MAPKAP1: variants seen among roughly 807,000 people sequenced by gnomAD.
The protein encoded by MAPKAP1 is MAPK associated protein 1.
Under a neutral mutation model 65.7 loss-of-function variants are expected in MAPKAP1, and 20 were observed. The ratio of observed to expected loss-of-function variants is 0.30; its 90% confidence interval spans 0.21 to 0.44. The LOEUF (loss-of-function observed/expected upper bound fraction) is 0.44. Ranked by LOEUF, MAPKAP1 falls within the 20% of genes least tolerant of loss-of-function variation. MAPKAP1 has a pLI of 1.00. For synonymous variants in MAPKAP1, 222 were observed against 244.3 expected (o/e 0.91, Z 0.85); for missense variants, 423 against 648.0 (o/e 0.65, Z 3.77).
At chr9:125,466,648 C>A (rs975679728) in intron 10 of MAPKAP1, among the ~76,000 whole-genome samples, 41 of 152,262 alleles carry the variant, frequency 2.7e-4, no homozygotes, top group African/African-American at 9.1e-4. Context: ...AATCCAGCAA[C>A]CTTGAGGCAA....
At chr9:125,548,683 GT>G (rs765464663) in intron 6 of MAPKAP1, among the ~76,000 whole-genome samples, 53 of 151,922 alleles carry the variant, frequency 3.5e-4, no homozygotes, top group Non-Finnish European at 6.3e-4. Context: ...TGAGCCATTA[GT>G]TAAAAAAAGA....
At chr9:125,693,846 T>TATACAC (rs10646202) in intron 1 of MAPKAP1, among the ~76,000 whole-genome samples, 4,034 of 135,530 alleles carry the variant, frequency 0.03, 169 homozygotes, top group African/African-American at 0.063. Flanking sequence ...TATACACACA[T>TATACAC]ACACACACAC....
At chr9:125,704,602 GTATT>G (rs1157474586) in intron 1 of MAPKAP1, among the ~76,000 whole-genome samples, 2 of 152,156 alleles carry the variant, frequency 1.3e-5, no homozygotes, top group Non-Finnish European at 2.9e-5. Flanking sequence ...GATCCTCGAA[GTATT>G]TATTAACTGG....
Position 125,625,437 on chromosome 9 carries a change from A to C in MAPKAP1, c.498+32214T>G, listed in dbSNP as rs531610994. On this transcript the variant is annotated intron_variant, in intron 4 of 11. Transcript: ENST00000265960. ...AAAAAACAAAAAAACAAAACAAAAC[A>C]AACCAACCCTGCAGAGCAGCAGCTG... Among the ~76,000 whole-genome samples the C allele has an allele frequency of 1.1e-4, 17 of 152,242 alleles. No homozygotes were observed. The South Asian group carries it at 3.3e-3, about 30-fold the overall frequency.
chr9:125,663,370 T>C lies in MAPKAP1; in HGVS notation c.350-5571A>G, dbSNP rs146538766. 3.1e-3 allele frequency among the ~76,000 whole-genome samples: 474 copies of C among 152,310 alleles called. 2 individuals carry two copies. Among genetic ancestry groups the C allele is most frequent in the Admixed American group, 4.4e-3 (67 of 15,296 alleles). ...ATATATGCATGACTCACTCCTCCAC[T>C]TCCTTTAGATCTCTACTCAAACAGT... On this transcript the variant is annotated intron_variant, in intron 3 of 11. Coordinates refer to ENST00000265960, the MANE Select transcript of MAPKAP1 (RefSeq NM_001006617.3).
intron 1 of MAPKAP1, among the ~76,000 whole-genome samples, chr9:125,693,054 G>C (rs1311918351): frequency 6.6e-6 from 1 of 152,106 alleles, no homozygotes; most frequent in African/African-American, 2.4e-5. Context: ...TCCTACCAGA[G>C]CACGACACAA....
At chr9:125,671,971 C>T (rs1047228745) in intron 2 of MAPKAP1, among the ~76,000 whole-genome samples, 5 of 152,136 alleles carry the variant, frequency 3.3e-5, no homozygotes, top group South Asian at 4.1e-4. Context: ...AATCTGTCTC[C>T]GGGTAGTCTA....
chr9:125,558,904 T>C lies in MAPKAP1; in HGVS notation c.848+729A>G, dbSNP rs530805128. Among the ~76,000 whole-genome samples the C allele has an allele frequency of 9.8e-5, 15 of 152,366 alleles. No homozygotes were observed. In the South Asian group the frequency reaches 2.9e-3, roughly 29 times the overall value. On this transcript the variant is annotated intron_variant, in intron 6 of 11. Coordinates refer to ENST00000265960, the MANE Select transcript of MAPKAP1 (RefSeq NM_001006617.3). ...AATCACAGTGCCAGTGACTCTGTCA[T>C]GAACAGAAGTCATAGCTAACACTAC...
At chr9:125,588,375 G>T (rs901591196) in intron 4 of MAPKAP1, among the ~76,000 whole-genome samples, 1 of 152,180 alleles carries the variant, frequency 6.6e-6, no homozygotes, top group Non-Finnish European at 1.5e-5. Context: ...ACAGAAAGTA[G>T]ATTAGCGGTT....
intron 4 of MAPKAP1, among the ~76,000 whole-genome samples, chr9:125,612,783 G>A (rs1284333265): frequency 1.3e-5 from 2 of 152,144 alleles, no homozygotes; most frequent in African/African-American, 4.8e-5. Flanking sequence ...TCATGCCAAG[G>A]GACATCAGGC....
intron 7 of MAPKAP1, among the ~76,000 whole-genome samples, chr9:125,530,918 C>T (rs959241549): frequency 1.3e-5 from 2 of 152,208 alleles, no homozygotes; most frequent in Non-Finnish European, 2.9e-5. Context: ...GTCCACTGAG[C>T]GCCTACTATG....
intron 6 of MAPKAP1, among the ~76,000 whole-genome samples, chr9:125,548,560 C>T (rs1040584962): frequency 1.3e-5 from 2 of 152,146 alleles, no homozygotes; most frequent in Admixed American, 1.3e-4. Flanking sequence ...AACTTCATTT[C>T]CTCATCTACA....
chr9:125,534,785 T>G (rs1198782150), intron 7 of MAPKAP1, among the ~76,000 whole-genome samples: 1 of 152,138 alleles, frequency 6.6e-6, no homozygotes, highest in African/African-American at 2.4e-5. Context: ...GAACACTCTT[T>G]CCCATCCCTC....
intron 1 of MAPKAP1, among the ~76,000 whole-genome samples, chr9:125,679,495 A>G (rs919833313): frequency 3.3e-5 from 5 of 152,180 alleles, no homozygotes; most frequent in Admixed American, 1.3e-4. Context: ...GTTGTTCAAA[A>G]AAATAAAAGT....
At chr9:125,589,109 T>C (rs1433955163) in intron 4 of MAPKAP1, among the ~76,000 whole-genome samples, 4 of 152,166 alleles carry the variant, frequency 2.6e-5, no homozygotes, top group Non-Finnish European at 5.9e-5. Flanking sequence ...TGTTTCCTCA[T>C]ATGTAAAATG....
rs537102837 is a variant in MAPKAP1, at chr9:125,660,879, C to T, written c.350-3080G>A. Among the ~76,000 whole-genome samples the T allele has an allele frequency of 3.3e-5, 5 of 152,226 alleles. No individual in the cohort carries two copies. In the East Asian group the frequency reaches 9.6e-4, roughly 29 times the overall value. On this transcript the variant is annotated intron_variant, in intron 3 of 11. Transcript: ENST00000265960. ...CCGCCAATATGAGTCTTTTGAAATA[C>T]AAGTTACAAACTTCAGAATGAGGAG...
At chr9:125,451,862 C>A (rs1047511042) in intron 10 of MAPKAP1, among the ~76,000 whole-genome samples, 1 of 141,460 alleles carries the variant, frequency 7.1e-6, no homozygotes, top group Non-Finnish European at 1.5e-5. Context: ...CAGGGTGGAG[C>A]GCAGTGGCGC....
chr9:125,607,904 T>C (rs1832486877), intron 4 of MAPKAP1, among the ~76,000 whole-genome samples: 1 of 152,230 alleles, frequency 6.6e-6, no homozygotes, highest in African/African-American at 2.4e-5. Flanking sequence ...TCTGCCTGCC[T>C]TGGCCTCCCA....
At chr9:125,670,831 C>A (rs1834476304) in intron 2 of MAPKAP1, among the ~76,000 whole-genome samples, 1 of 152,222 alleles carries the variant, frequency 6.6e-6, no homozygotes, top group African/African-American at 2.4e-5. Context: ...TAATCTTCAG[C>A]TTCCTATCCC....
Sources: gnomAD v4.1 joint callset for allele counts (sites outside exome capture counted in the v4.1 genomes callset) on GRCh38, gnomAD v4.1.1 for gene constraint, MANE v1.5 for transcripts, NCBI Gene and HGNC (gene_info 2026-07-23, HGNC 2026-07-21) for gene names.